KIAA1755: variants seen among roughly 807,000 people sequenced by gnomAD.
KIAA1755 encodes the protein uncharacterized protein KIAA1755.
In KIAA1755, 68 loss-of-function variants were observed where a neutral mutation model predicts 91.7. The observed-to-expected ratio is 0.74, with a 90% CI of 0.61 to 0.91. KIAA1755 has a LOEUF of 0.91. Among genes scored for constraint, KIAA1755 ranks in the 40% least tolerant of loss-of-function variants. The pLI is 0.00. For synonymous variants in KIAA1755, 610 were observed against 604.6 expected (o/e 1.01, Z -0.13); for missense variants, 1,535 against 1,494.4 (o/e 1.03, Z -0.45).
In KIAA1755 at chr20:38,239,730, GA is replaced by G; in HGVS notation, c.1550-6del. 6.2e-7 allele frequency: 1 copy of G among 1,610,660 alleles called. No homozygotes were observed. On this transcript the variant is annotated splice_polypyrimidine_tract_variant and splice_region_variant and intron_variant, in intron 3 of 13. Coordinates refer to ENST00000279024, the MANE Select transcript of KIAA1755 (RefSeq NM_001029864.2). ...TTTTGGTCTGAGTTGTTCCAGCTGG[GA>G]AAAAGCAACAACAAAGAAAAGGACG...
chr20:38,218,328 C>T lies in KIAA1755; in HGVS notation c.2595G>A (p.Leu865=). Residue 865 remains leucine (L), a synonymous_variant, in exon 12 of 14, where the codon CTG becomes CTA. Coordinates refer to ENST00000279024, the MANE Select transcript of KIAA1755 (RefSeq NM_001029864.2). ...DWMEQEGRRC[L]QSLTPKDGSL... ...TTCCATCCTTGGGGGTCAGTGATTG[C>T]AGGCACCGCCTTCCTTCCTGCTCCA... 6.2e-7 allele frequency: 1 copy of T among 1,614,220 alleles called. No individual in the cohort carries two copies. Among genetic ancestry groups the T allele is most frequent in the Non-Finnish European group, 8.5e-7 (1 of 1,180,040 alleles).
intron 9 of KIAA1755, 30 bp from the exon 10 acceptor site, chr20:38,222,627 C>T: frequency 6.2e-7 from 1 of 1,606,826 alleles, no homozygotes; most frequent in Non-Finnish European, 8.5e-7. Context: ...CCCTGAGGCC[C>T]CATCCCCACT....
chr20:38,210,869 A>G lies in KIAA1755; in HGVS notation c.*2173T>C, dbSNP rs1195738683. 1 of 152,166 alleles carries G rather than the reference A, an allele frequency of 6.6e-6. No individual in the cohort carries two copies. Among genetic ancestry groups the G allele is most frequent in the Non-Finnish European group, 1.5e-5 (1 of 68,042 alleles). The allele number at this position is 152,166 out of a possible 1,614,324, so 9.4% of individuals were successfully genotyped here. A position where few individuals can be genotyped will look rare whatever the true frequency, so the allele number is the denominator to read the frequency against. ...TCTGAGGCAACAGGCATGGATGGAGATGGGCTGATCAACGCCTCTTGCATC... is the reference window on the plus strand; with the variant it reads ...TCTGAGGCAACAGGCATGGATGGAGGTGGGCTGATCAACGCCTCTTGCATC... On this transcript the variant is annotated 3_prime_UTR_variant, in exon 14 of 14. Coordinates refer to ENST00000279024, the MANE Select transcript of KIAA1755 (RefSeq NM_001029864.2).
Position 38,217,292 on chromosome 20 carries a change from G to A in KIAA1755, c.2862C>T (p.Asp954=). The A allele has an allele frequency of 6.2e-7, 1 of 1,607,676 alleles. No individual in the cohort carries two copies. The highest frequency in any genetic ancestry group is 8.5e-7 in the Non-Finnish European group (1 of 1,177,790). The change falls in exon 13 of 14, where the codon GAC becomes GAT. Residue 954 remains aspartate (D), a synonymous_variant. Coordinates refer to ENST00000279024, the MANE Select transcript of KIAA1755 (RefSeq NM_001029864.2). ...FYMAAERQRT[D]LETLLHLHRF... is the part of the protein sequence containing the mutation. ...GGTGCAGGTGGAGCAGCGTCTCGAGGTCCGTGCGTTGCCGCTCGGCCGCCA... is the reference window on the plus strand; with the variant it reads ...GGTGCAGGTGGAGCAGCGTCTCGAGATCCGTGCGTTGCCGCTCGGCCGCCA...
At chr20:38,249,724 G>A (rs2076214829) in intron 1 of KIAA1755, among the ~76,000 whole-genome samples, 1 of 139,294 alleles carries the variant, frequency 7.2e-6, no homozygotes. Flanking sequence ...GTTTTACACT[G>A]AGGTGGAGGG....
At chr20:38,250,852 C>G (rs2076239223) in intron 1 of KIAA1755, among the ~76,000 whole-genome samples, 1 of 151,946 alleles carries the variant, frequency 6.6e-6, no homozygotes, top group Non-Finnish European at 1.5e-5. Flanking sequence ...GCCATGTTAC[C>G]AGGCACATGT....
chr20:38,219,920 G>A, intron 10 of KIAA1755, 152 bp from the exon 11 acceptor site: 1 of 957,496 alleles, frequency 1.0e-6, no homozygotes, highest in East Asian at 2.5e-5. Flanking sequence ...CCTTCACCAA[G>A]GGCCTCAGCC....
chr20:38,230,375 C>G (rs1398945583), intron 5 of KIAA1755, among the ~76,000 whole-genome samples: 51 of 152,184 alleles, frequency 3.4e-4, no homozygotes, highest in Admixed American at 2.9e-3. Flanking sequence ...GAAGCCTTCC[C>G]TGATTTCCCA....
chr20:38,250,940 A>T (rs1016889835), intron 1 of KIAA1755, among the ~76,000 whole-genome samples: 2 of 152,190 alleles, frequency 1.3e-5, no homozygotes, highest in Non-Finnish European at 2.9e-5. Context: ...CTGTTATTAC[A>T]TCATCACTAT....
chr20:38,239,894 C>T (rs1375503456), intron 3 of KIAA1755, among the ~76,000 whole-genome samples, 169 bp from the exon 4 acceptor site: 2 of 152,108 alleles, frequency 1.3e-5, no homozygotes, highest in African/African-American at 2.4e-5. Context: ...CCCCTCCCCA[C>T]ACCTCACTTT....
intron 11 of KIAA1755, among the ~76,000 whole-genome samples, chr20:38,219,400 C>T (rs1357199081): frequency 2.0e-5 from 3 of 152,338 alleles, no homozygotes; most frequent in Admixed American, 6.5e-5. Flanking sequence ...ACAGAGTTGG[C>T]GCTCAATAAG....
chr20:38,224,560 C>T (rs761940695), intron 8 of KIAA1755, among the ~76,000 whole-genome samples: 2 of 152,194 alleles, frequency 1.3e-5, no homozygotes, highest in Non-Finnish European at 2.9e-5. Flanking sequence ...GGACATTCAG[C>T]AATGTCAGGA....
intron 1 of KIAA1755, among the ~76,000 whole-genome samples, chr20:38,259,820 C>CACACACACACACACACACA (rs367702495): frequency 8.6e-5 from 12 of 138,800 alleles, no homozygotes; most frequent in African/African-American, 2.9e-4. Flanking sequence ...ACCACCACCA[C>CACACACACACACACACACA]CACACACACA....
chr20:38,260,380 C>G, intron 1 of KIAA1755, 118 bp downstream of exon 1: 2 of 1,601,436 alleles, frequency 1.2e-6, no homozygotes, highest in Non-Finnish European at 1.7e-6. Context: ...TGCCAAGGCA[C>G]TGAGGGTCGT....
At chr20:38,239,263 C>G (rs1176398048) in intron 4 of KIAA1755, among the ~76,000 whole-genome samples, 2 of 152,250 alleles carry the variant, frequency 1.3e-5, no homozygotes, top group African/African-American at 2.4e-5. Flanking sequence ...CTGGGGAACC[C>G]AGTATCCACC....
intron 1 of KIAA1755, chr20:38,260,192 G>A: frequency 7.0e-7 from 1 of 1,426,928 alleles, no homozygotes; most frequent in African/African-American, 1.4e-5. Flanking sequence ...CCCCGTTTCA[G>A]CCCTCAGCCT....
At chr20:38,216,246 C>T (rs1166626345) in intron 13 of KIAA1755, among the ~76,000 whole-genome samples, 2 of 152,358 alleles carry the variant, frequency 1.3e-5, no homozygotes. Context: ...GTATCGTGCT[C>T]TTAACTGTAC....
At chr20:38,222,062 CA>C (rs1227270045) in intron 10 of KIAA1755, among the ~76,000 whole-genome samples, 1 of 152,196 alleles carries the variant, frequency 6.6e-6, no homozygotes, top group Non-Finnish European at 1.5e-5. Flanking sequence ...ACCCATCAGC[CA>C]AATGGACAAT....
intron 13 of KIAA1755, 87 bp from the exon 14 acceptor site, chr20:38,213,830 C>T (rs2075497379): frequency 9.4e-6 from 9 of 953,928 alleles, no homozygotes; most frequent in Admixed American, 2.9e-5. Flanking sequence ...AATGCCAGGG[C>T]CCCGCTCAGC....
Sources: allele counts gnomAD v4.1 joint callset (sites outside exome capture counted in the v4.1 genomes callset), GRCh38; gene constraint gnomAD v4.1.1; transcripts MANE v1.5; gene names NCBI Gene and HGNC (gene_info 2026-07-23, HGNC 2026-07-21).